Variants in HNRNPD observed in about 807,000 individuals in gnomAD.
The protein encoded by HNRNPD is heterogeneous nuclear ribonucleoprotein D.
HNRNPD carries 3 observed loss-of-function variants against 47.9 expected under a neutral mutation model. The observed-to-expected ratio is 0.06, with a 90% CI of 0.03 to 0.16. HNRNPD has a LOEUF of 0.16. Ranked by LOEUF, HNRNPD falls within the 10% of genes least tolerant of loss-of-function variation. The pLI is 1.00. For missense variants in HNRNPD, 287 were observed against 454.2 expected (o/e 0.63, Z 3.35); for synonymous variants, 171 against 165.1 (o/e 1.04, Z -0.28).
At chr4:82,371,684 T>A in intron 1 of HNRNPD, 100 bp from the exon 2 acceptor site, 1 of 841,518 alleles carries the variant, frequency 1.2e-6, no homozygotes, top group Non-Finnish European at 1.9e-6. Flanking sequence ...ACTTCAACAG[T>A]AGGTAACTAT....
intron 2 of HNRNPD, among the ~76,000 whole-genome samples, chr4:82,368,038 T>C (rs532896817): frequency 1.9e-4 from 29 of 152,310 alleles, no homozygotes; most frequent in African/African-American, 2.2e-4. Context: ...TACTAAAACG[T>C]TGAAGCAGAA....
intron 2 of HNRNPD, among the ~76,000 whole-genome samples, chr4:82,361,497 T>G (rs868839690): frequency 6.6e-6 from 1 of 152,204 alleles, no homozygotes; most frequent in Non-Finnish European, 1.5e-5. Context: ...TAACAAACTT[T>G]GAAAGTATTT....
rs2288338 is a variant in HNRNPD, at chr4:82,353,481, C to T, written c.*704G>A. On this transcript the variant is annotated 3_prime_UTR_variant, in exon 9 of 9. Coordinates refer to ENST00000313899, the MANE Select transcript of HNRNPD (RefSeq NM_031370.3). ...ATTTAATGGAAGCATAAAACATTAA[C>T]TATCTGTGCAAAGGGGTACTTTTGC... 0.19 allele frequency: 29,469 copies of T among 152,424 alleles called. 3,915 individuals are homozygous for T. The highest frequency in any genetic ancestry group is 0.6 in the East Asian group (3,072 of 5,162). The allele number at this position is 152,424 out of a possible 1,614,324, so 9.4% of individuals were successfully genotyped here.
At chr4:82,363,057 T>C (rs888282755) in intron 2 of HNRNPD, among the ~76,000 whole-genome samples, 2 of 151,666 alleles carry the variant, frequency 1.3e-5, no homozygotes, top group Admixed American at 6.6e-5. Flanking sequence ...TGTATATATA[T>C]ATATATATAC....
At chr4:82,360,683 G>A (rs1434737081) in intron 2 of HNRNPD, among the ~76,000 whole-genome samples, 1 of 152,098 alleles carries the variant, frequency 6.6e-6, no homozygotes, top group Non-Finnish European at 1.5e-5. Context: ...GGACTGGGAT[G>A]TGACACTAAC....
At chr4:82,367,216 G>A (rs1382819123) in intron 2 of HNRNPD, among the ~76,000 whole-genome samples, 2 of 152,078 alleles carry the variant, frequency 1.3e-5, no homozygotes, top group African/African-American at 4.8e-5. Flanking sequence ...CTACAAGGAA[G>A]CAATGACATC....
intron 2 of HNRNPD, among the ~76,000 whole-genome samples, chr4:82,370,033 T>G (rs1366196687): frequency 6.6e-6 from 1 of 152,016 alleles, no homozygotes; most frequent in African/African-American, 2.4e-5. Context: ...TCCCAACTAC[T>G]TTGGAGGCTG....
Position 82,373,872 on chromosome 4 carries a change from C to A in HNRNPD, c.-194G>T. 1 of 1,293,988 alleles carries A rather than the reference C, an allele frequency of 7.7e-7. No homozygotes were observed. Among genetic ancestry groups the A allele is most frequent in the South Asian group, 1.5e-5 (1 of 65,572 alleles). The allele number at this position is 1,293,988 out of a possible 1,614,324, so 80.2% of individuals were successfully genotyped here. A position where few individuals can be genotyped will look rare whatever the true frequency, so the allele number is the denominator to read the frequency against. On this transcript the variant is annotated 5_prime_UTR_variant, in exon 1 of 9. Coordinates refer to ENST00000313899, the MANE Select transcript of HNRNPD (RefSeq NM_031370.3). Reference sequence around the variant, plus strand: ...GCCTGCCCCCTTCGCCTCCCACTCTCGCGCGGCGCACACTCCCGCTCTCTC... The same window carrying A: ...GCCTGCCCCCTTCGCCTCCCACTCTAGCGCGGCGCACACTCCCGCTCTCTC...
intron 2 of HNRNPD, among the ~76,000 whole-genome samples, chr4:82,369,182 AT>A (rs746580806): frequency 3.3e-5 from 5 of 152,252 alleles, no homozygotes; most frequent in Non-Finnish European, 7.3e-5. Flanking sequence ...ACACTAAATA[AT>A]TTTAAAGTAC....
intron 2 of HNRNPD, among the ~76,000 whole-genome samples, chr4:82,369,375 C>T (rs1224125614): frequency 6.6e-6 from 1 of 152,140 alleles, no homozygotes; most frequent in Non-Finnish European, 1.5e-5. Flanking sequence ...CCATAGTAAA[C>T]TGTAGAAACA....
At chr4:82,359,439 T>C in intron 3 of HNRNPD, 32 bp downstream of exon 3, 4 of 1,388,994 alleles carry the variant, frequency 2.9e-6, no homozygotes, top group Non-Finnish European at 3.9e-6. Flanking sequence ...ATATTTTATA[T>C]TATTAACTGA....
intron 2 of HNRNPD, among the ~76,000 whole-genome samples, chr4:82,362,328 T>G (rs1255440813): frequency 6.6e-6 from 1 of 152,232 alleles, no homozygotes; most frequent in African/African-American, 2.4e-5. Flanking sequence ...TGTCAAACTT[T>G]TCAAATTCTG....
chr4:82,358,896 T>C (rs1371151932), intron 3 of HNRNPD, 76 bp from the exon 4 acceptor site: 3 of 1,062,470 alleles, frequency 2.8e-6, no homozygotes, highest in South Asian at 1.6e-5. Context: ...TACTTAAAAA[T>C]AACTATAAAT....
chr4:82,370,987 C>T lies in HNRNPD; in HGVS notation c.290+541G>A, dbSNP rs926769768. The stretch of plus-strand genomic sequence containing the variant: ...CCTTTTAATGGTATATATATACACA[C>T]ACACACACACACACACACTTCTTAT... On this transcript the variant is annotated intron_variant, in intron 2 of 8. Transcript: ENST00000313899. Among the ~76,000 whole-genome samples, 5 of 151,584 alleles carry T rather than the reference C, an allele frequency of 3.3e-5. No individual in the cohort carries two copies. In the East Asian group the frequency reaches 7.7e-4, roughly 23 times the overall value.
At chr4:82,355,754 C>A (rs1290665170) in intron 7 of HNRNPD, 2 of 258,184 alleles carry the variant, frequency 7.7e-6, no homozygotes, top group East Asian at 2.0e-4. Context: ...ACAATCAGTG[C>A]TTAGTATCTC....
Position 82,353,753 on chromosome 4 carries a change from G to A in HNRNPD, c.*432C>T, listed in dbSNP as rs2109986726. 6.5e-6 allele frequency: 1 copy of A among 152,732 alleles called. No individual in the cohort carries two copies. Among genetic ancestry groups the A allele is most frequent in the East Asian group, 1.9e-4 (1 of 5,194 alleles). 9.5% of individuals were successfully genotyped at this position (152,732 alleles called of 1,614,324 possible). On this transcript the variant is annotated 3_prime_UTR_variant, in exon 9 of 9. Transcript: ENST00000313899. Reference sequence around the variant, plus strand: ...TCATGTCCTCAATTTCGGCAAGCCTGTCTTCCAAACTTATGCTTTTAATAA... The same window carrying A: ...TCATGTCCTCAATTTCGGCAAGCCTATCTTCCAAACTTATGCTTTTAATAA...
intron 2 of HNRNPD, among the ~76,000 whole-genome samples, chr4:82,367,994 C>A (rs187556658): frequency 6.6e-6 from 1 of 152,298 alleles, no homozygotes; most frequent in Middle Eastern, 3.4e-3. Context: ...AGAAAGAGAT[C>A]CCACGCTTTC....
chr4:82,355,462 G>A (rs1199160577), intron 7 of HNRNPD, 61 bp from the exon 8 acceptor site: 5 of 1,180,682 alleles, frequency 4.2e-6, no homozygotes, highest in South Asian at 1.3e-5. Flanking sequence ...AATCAGAACA[G>A]TACCTAATTT....
chr4:82,357,512 T>C, intron 4 of HNRNPD, 68 bp from the exon 5 acceptor site: 1 of 1,356,510 alleles, frequency 7.4e-7, no homozygotes, highest in Non-Finnish European at 1.0e-6. Flanking sequence ...AACACAAGTT[T>C]AGAGGGGGGA....
Sources: gnomAD v4.1 joint callset for allele counts (sites outside exome capture counted in the v4.1 genomes callset) on GRCh38, gnomAD v4.1.1 for gene constraint, MANE v1.5 for transcripts, NCBI Gene and HGNC (gene_info 2026-07-23, HGNC 2026-07-21) for gene names.